Variants in NWD1 observed in about 807,000 individuals in gnomAD.
NWD1 encodes NACHT domain- and WD repeat-containing protein 1.
In NWD1, 129 loss-of-function variants were observed where a neutral mutation model predicts 135.1. That is an observed-to-expected ratio of 0.96 (90% confidence interval 0.83 to 1.11). The LOEUF is 1.11. NWD1 is among the 50% of genes least tolerant of loss of function. The pLI is 0.00. For synonymous variants in NWD1, 773 were observed against 786.0 expected (o/e 0.98, Z 0.28); for missense variants, 1,740 against 1,851.3 (o/e 0.94, Z 1.10).
At chr19:16,810,049 G>T (rs8112538) in intron 18 of NWD1, among the ~76,000 whole-genome samples, 73,571 of 151,798 alleles carry the variant, frequency 0.48, 18,522 homozygotes, top group Non-Finnish European at 0.55. Context: ...GGATTTTTTT[G>T]TGTGTGTGTT....
chr19:16,759,489 A>G, intron 7 of NWD1, 61 bp downstream of exon 7: 2 of 1,283,018 alleles, frequency 1.6e-6, no homozygotes, highest in Non-Finnish European at 2.2e-6. Flanking sequence ...ATGAGGACTC[A>G]CTGGCCGGGG....
chr19:16,762,228 A>C lies in NWD1; in HGVS notation c.2133+90A>C, dbSNP rs546985143. On this transcript the variant is annotated intron_variant, in intron 8 of 18. Transcript: ENST00000524140. ...CTTCCTTCCCCTTTTTGCACTCGAA[A>C]TGTCCTCCCGACCTACTTCTCCTTT... 309 of 1,192,110 alleles carry C rather than the reference A, an allele frequency of 2.6e-4. 1 individual carries two copies. The highest frequency in any genetic ancestry group is 3.5e-4 in the Non-Finnish European group (296 of 834,370). The allele number at this position is 1,192,110 out of a possible 1,614,324, so 73.8% of individuals were successfully genotyped here.
chr19:16,765,114 C>A lies in NWD1; in HGVS notation c.2332C>A (p.His778Asn), dbSNP rs552018804. ...GGATGACTTTGACCTGTGTGCCCCT[C>A]ACCTGGACTCCCCTGAGGTTGGCCT... ...LLDDFDLCAP[H>N]LDSPEVGLVR... The change falls in exon 10 of 19, where the codon CAC becomes AAC. Residue 778 changes from histidine to asparagine, a missense_variant. Coordinates refer to ENST00000524140, the MANE Select transcript of NWD1 (RefSeq NM_001007525.5). The A allele has an allele frequency of 6.2e-7, 1 of 1,614,152 alleles. No homozygotes were observed. Among genetic ancestry groups the A allele is most frequent in the African/African-American group, 1.3e-5 (1 of 75,044 alleles).
chr19:16,735,792 TGGAA>T lies in NWD1; in HGVS notation c.82-809_82-806del, dbSNP rs1216718356. Among the ~76,000 whole-genome samples, 376 of 96,518 alleles carry T rather than the reference TGGAA, an allele frequency of 3.9e-3. 5 individuals are homozygous for T. Among genetic ancestry groups the T allele is most frequent in the South Asian group, 0.019 (56 of 2,882 alleles). 63.3% of individuals were successfully genotyped at this position (96,518 alleles called of 152,430 possible). The stretch of plus-strand genomic sequence containing the variant: ...TTACAATGAGCCAAGATCATGCCAC[TGGAA>T]GGAAGGAAGGAAGGAAGGAAGGAAG... On this transcript the variant is annotated intron_variant, in intron 3 of 18. Coordinates refer to ENST00000524140, the MANE Select transcript of NWD1 (RefSeq NM_001007525.5).
intron 16 of NWD1, among the ~76,000 whole-genome samples, chr19:16,798,815 C>T (rs1267055004): frequency 7.2e-5 from 11 of 151,820 alleles, no homozygotes; most frequent in Admixed American, 2.6e-4. Context: ...TTAGTAGAGA[C>T]GGGGTTCCGC....
chr19:16,755,533 C>T (rs967767871), intron 6 of NWD1, among the ~76,000 whole-genome samples: 24 of 152,068 alleles, frequency 1.6e-4, no homozygotes, highest in Middle Eastern at 3.2e-3. Flanking sequence ...GGATTACAGG[C>T]GTGCACCACC....
At position 16,800,128 on chromosome 19, in the gene NWD1, C is replaced by A. The variant is rs771510921; in HGVS notation, c.3702C>A (p.Asp1234Glu). ...GSYVYFPKIG[D>E]KNKVTIWDLA... ...ACGTCTACTTCCCCAAAATTGGGGA[C>A]AAAAACAAAGTCACTATTTGGGACT... The change falls in exon 17 of 19, where the codon GAC becomes GAA. Residue 1234 changes from aspartate to glutamate, a missense_variant. Physicochemically the swap from Asp to Glu is conservative, Grantham distance 45. Transcript: ENST00000524140. 5.0e-6 allele frequency: 8 copies of A among 1,613,110 alleles called. No individual in the cohort carries two copies. The highest frequency in any genetic ancestry group is 4.0e-5 in the African/African-American group (3 of 74,884).
intron 18 of NWD1, among the ~76,000 whole-genome samples, chr19:16,814,803 A>G (rs1396024830): frequency 6.6e-6 from 1 of 152,222 alleles, no homozygotes; most frequent in Non-Finnish European, 1.5e-5. Flanking sequence ...CATGACCTGC[A>G]TGATGCCTTT....
chr19:16,771,428 C>T (rs1436990541), intron 10 of NWD1, among the ~76,000 whole-genome samples: 1 of 152,038 alleles, frequency 6.6e-6, no homozygotes. Flanking sequence ...CCAACTTGCA[C>T]GACAGAGCAA....
intron 12 of NWD1, among the ~76,000 whole-genome samples, chr19:16,782,880 CTT>C (rs1309850493): frequency 2.0e-5 from 3 of 148,304 alleles, no homozygotes; most frequent in East Asian, 1.9e-4. Flanking sequence ...TTCTTTCTTT[CTT>C]TCTCTTTCTT....
At chr19:16,761,925 C>T (rs1407274141) in intron 7 of NWD1, 54 bp from the exon 8 acceptor site, 3 of 1,511,014 alleles carry the variant, frequency 2.0e-6, no homozygotes, top group Admixed American at 3.7e-5. Context: ...CAAGCAGCCA[C>T]CTTTGAGCTT....
intron 10 of NWD1, among the ~76,000 whole-genome samples, chr19:16,771,911 T>TCA (rs1036940957): frequency 6.6e-6 from 1 of 150,732 alleles, no homozygotes; most frequent in Non-Finnish European, 1.5e-5. Context: ...TTCTCCTGTC[T>TCA]CAGCCTCCCG....
chr19:16,748,549 G>A lies in NWD1; in HGVS notation c.497-590G>A, dbSNP rs560434654. ...TGATTAATAATGGCTAAATCAGGCC[G>A]GGCGCAGTGGCTCACGCCTGTAATC... On this transcript the variant is annotated intron_variant, in intron 5 of 18. Transcript: ENST00000524140. 6.5e-4 allele frequency among the ~76,000 whole-genome samples: 99 copies of A among 152,174 alleles called. 1 individual carries two copies. Among genetic ancestry groups the A allele is most frequent in the Admixed American group, 2.6e-3 (40 of 15,254 alleles).
intron 4 of NWD1, among the ~76,000 whole-genome samples, chr19:16,740,113 G>C (rs939904471): frequency 6.6e-6 from 1 of 151,110 alleles, no homozygotes; most frequent in Non-Finnish European, 1.5e-5. Context: ...CCTGGGCAAC[G>C]TAACAAGGCC....
chr19:16,811,748 C>T (rs1970931718), intron 18 of NWD1, among the ~76,000 whole-genome samples: 2 of 152,132 alleles, frequency 1.3e-5, no homozygotes, highest in South Asian at 4.1e-4. Flanking sequence ...GCTCATCTCT[C>T]CAGGTTTTCA....
In NWD1 at chr19:16,759,359, G is replaced by A. The variant is rs1023197497; in HGVS notation, c.1904G>A (p.Arg635His). The change falls in exon 7 of 19, where the codon CGT becomes CAT. Residue 635 changes from arginine to histidine, a missense_variant. Transcript: ENST00000524140. Reference sequence around the variant, plus strand: ...CCGCCCCTGCTGTGGGTGCGGCTTCGTCGGGATCTGGGATACTACTTGGCC... The same window carrying A: ...CCGCCCCTGCTGTGGGTGCGGCTTCATCGGGATCTGGGATACTACTTGGCC... ...RFPPLLWVRL[R>H]RDLGYYLARR... The A allele has an allele frequency of 1.2e-6, 2 of 1,612,366 alleles. No individual in the cohort carries two copies. Among genetic ancestry groups the A allele is most frequent in the African/African-American group, 1.3e-5 (1 of 75,004 alleles).
chr19:16,792,876 C>CAA (rs1189102088), intron 14 of NWD1, among the ~76,000 whole-genome samples: 13 of 51,852 alleles, frequency 2.5e-4, no homozygotes, highest in East Asian at 1.2e-3. Flanking sequence ...AACTCCATCT[C>CAA]AAAAAAAAAA....
chr19:16,788,994 G>A lies in NWD1; in HGVS notation c.2744G>A (p.Cys915Tyr), dbSNP rs770792857. ...TGGCCTGCTGCAGGAGAGGTGAGGT[G>A]TGTGAAAATATTTGCCAAAGGGACC... ...MLTGHTGEVR[C>Y]VKIFAKGTLA... The change falls in exon 13 of 19, where the codon TGT becomes TAT. Residue 915 changes from cysteine (C) to tyrosine (Y), a missense_variant. Cys to Tyr is a radical substitution (Grantham distance 194). Coordinates refer to ENST00000524140, the MANE Select transcript of NWD1 (RefSeq NM_001007525.5). 10 of 1,611,656 alleles carry A rather than the reference G, an allele frequency of 6.2e-6. No individual in the cohort carries two copies. The highest frequency in any genetic ancestry group is 8.5e-6 in the Non-Finnish European group (10 of 1,179,412).
At chr19:16,803,433 A>G (rs1312837568) in intron 17 of NWD1, among the ~76,000 whole-genome samples, 1 of 152,092 alleles carries the variant, frequency 6.6e-6, no homozygotes, top group Non-Finnish European at 1.5e-5. Context: ...AGTCCATAAC[A>G]TTCCTATAAC....
Sources: gnomAD v4.1 joint callset for allele counts (sites outside exome capture counted in the v4.1 genomes callset) on GRCh38, gnomAD v4.1.1 for gene constraint, MANE v1.5 for transcripts, NCBI Gene and HGNC (gene_info 2026-07-23, HGNC 2026-07-21) for gene names.